ADAM2: variants seen among roughly 807,000 people sequenced by gnomAD.
ADAM2 encodes disintegrin and metalloproteinase domain-containing protein 2.
A neutral mutation model predicts 99.3 loss-of-function variants in ADAM2; 101 were observed. The observed-to-expected ratio is 1.02, with a 90% CI of 0.87 to 1.20. The LOEUF is 1.20. ADAM2 is among the 50% of genes most tolerant of loss of function. The pLI, the probability that ADAM2 is intolerant of heterozygous loss-of-function variation, is 0.00. For missense variants in ADAM2, 948 were observed against 878.7 expected (o/e 1.08, Z -1.00); for synonymous variants, 323 against 287.6 (o/e 1.12, Z -1.25).
intron 11 of ADAM2, among the ~76,000 whole-genome samples, chr8:39,774,155 G>A (rs2129584500): frequency 6.6e-6 from 1 of 151,950 alleles, no homozygotes; most frequent in African/African-American, 2.4e-5. Flanking sequence ...ATAAATGAGG[G>A]TTACAAAGCT....
chr8:39,788,013 A>G, intron 9 of ADAM2, 72 bp downstream of exon 9: 1 of 1,023,336 alleles, frequency 9.8e-7, no homozygotes, highest in South Asian at 3.0e-5. Context: ...ACATTTATCA[A>G]CAGTAAGATA....
intron 6 of ADAM2, among the ~76,000 whole-genome samples, chr8:39,812,934 T>C (rs1804765767): frequency 6.6e-6 from 1 of 152,100 alleles, no homozygotes; most frequent in Non-Finnish European, 1.5e-5. Flanking sequence ...CTAATTAAAC[T>C]AAAGCGCTTT....
At chr8:39,753,360 C>CAGCAAAGCATTCAAGAGGA (rs1370336472) in intron 16 of ADAM2, among the ~76,000 whole-genome samples, 2 of 151,118 alleles carry the variant, frequency 1.3e-5, no homozygotes, top group African/African-American at 4.9e-5. Flanking sequence ...AATTTCTAAG[C>CAGCAAAGCATTCAAGAGGA]AGCAAAGCAT....
chr8:39,807,420 G>A (rs957607714), intron 7 of ADAM2, among the ~76,000 whole-genome samples: 1 of 152,122 alleles, frequency 6.6e-6, no homozygotes, highest in Non-Finnish European at 1.5e-5. Flanking sequence ...CATTTTGTCT[G>A]GGAGAAGGAC....
chr8:39,826,732 A>C (rs1586161333), intron 3 of ADAM2, among the ~76,000 whole-genome samples: 1 of 151,806 alleles, frequency 6.6e-6, no homozygotes, highest in African/African-American at 2.4e-5. Flanking sequence ...AAACAAAAAA[A>C]CCAAAAAAAA....
At chr8:39,747,801 C>A (rs1004562285) in intron 18 of ADAM2, among the ~76,000 whole-genome samples, 1 of 152,052 alleles carries the variant, frequency 6.6e-6, no homozygotes, top group East Asian at 1.9e-4. Flanking sequence ...AACAATTTAC[C>A]ACTTCATAAT....
At chr8:39,760,679 C>T (rs1802321505) in intron 15 of ADAM2, among the ~76,000 whole-genome samples, 1 of 151,596 alleles carries the variant, frequency 6.6e-6, no homozygotes, top group African/African-American at 2.4e-5. Context: ...CGAGATAGTG[C>T]CACGGCACTC....
At chr8:39,828,518 A>C (rs1182544930) in intron 3 of ADAM2, among the ~76,000 whole-genome samples, 1 of 151,890 alleles carries the variant, frequency 6.6e-6, no homozygotes, top group East Asian at 1.9e-4. Context: ...AAAAAGAGGA[A>C]TATAAAACAA....
At position 39,743,891 on chromosome 8, in the gene ADAM2, T is replaced by C. The variant is rs1202139686; in HGVS notation, c.*204A>G. 1.3e-5 allele frequency: 2 copies of C among 152,156 alleles called. No homozygotes were observed. The highest frequency in any genetic ancestry group is 2.9e-5 in the Non-Finnish European group (2 of 67,994). The allele number at this position is 152,156 out of a possible 1,614,324, so 9.4% of individuals were successfully genotyped here. A position where few individuals can be genotyped will look rare whatever the true frequency, so the allele number is the denominator to read the frequency against. ...ACAGAAATTTGTAATGTAAAACTCA[T>C]TATCATGCATTTTTAAATAAGTAAA... On this transcript the variant is annotated 3_prime_UTR_variant, in exon 21 of 21. Transcript: ENST00000265708.
chr8:39,756,799 C>T (rs1289105256), intron 15 of ADAM2, among the ~76,000 whole-genome samples: 1 of 152,126 alleles, frequency 6.6e-6, no homozygotes, highest in African/African-American at 2.4e-5. Flanking sequence ...GTGCACACAC[C>T]AGTTAAACAT....
intron 6 of ADAM2, among the ~76,000 whole-genome samples, chr8:39,812,600 A>T (rs962372725): frequency 2.0e-5 from 3 of 152,242 alleles, no homozygotes; most frequent in Non-Finnish European, 4.4e-5. Context: ...GGAACAGATC[A>T]GAGCCCTCAG....
At chr8:39,768,289 A>G (rs1217461624) in intron 12 of ADAM2, among the ~76,000 whole-genome samples, 1 of 152,204 alleles carries the variant, frequency 6.6e-6, no homozygotes. Context: ...AACATATCAC[A>G]TATCTCAGGA....
chr8:39,786,987 C>T lies in ADAM2; in HGVS notation c.878G>A (p.Gly293Glu), dbSNP rs542094562. ...ACCATACCATACCAGAACAACACCTCCTGCATAGTTTGCATCACACATCTT... is the reference window on the plus strand; with the variant it reads ...ACCATACCATACCAGAACAACACCTTCTGCATAGTTTGCATCACACATCTT... ...QGKMCDANYA[G>E]GVVLHPRTIS... The change falls in exon 10 of 21, where the codon GGA becomes GAA. Residue 293 changes from glycine (G) to glutamate (E), a missense_variant. Gly to Glu is a moderately conservative substitution (Grantham distance 98). Coordinates refer to ENST00000265708, the MANE Select transcript of ADAM2 (RefSeq NM_001464.5). 6 of 1,591,774 alleles carry T rather than the reference C, an allele frequency of 3.8e-6. No individual in the cohort carries two copies. The African/African-American group carries it at 4.0e-5, about 11-fold the overall frequency.
chr8:39,750,411 T>C (rs1823686657), intron 16 of ADAM2, among the ~76,000 whole-genome samples: 1 of 152,088 alleles, frequency 6.6e-6, no homozygotes, highest in South Asian at 2.1e-4. Context: ...AAAGAAGATA[T>C]TATTGGCATG....
rs113117613 is a variant in ADAM2 at position 39,749,410 on chromosome 8, T to C, written c.1916A>G (p.Tyr639Cys). Residue 639 changes from tyrosine to cysteine, a missense_variant, in exon 18 of 21, where the codon TAT becomes TGT. Coordinates refer to ENST00000265708, the MANE Select transcript of ADAM2 (RefSeq NM_001464.5). ...TTGAACTGAGCAATCTGGAGGTAAA[T>C]ATGAAGCACTACAGTGACAGTGCTT... is the stretch of plus-strand genomic sequence containing the variant. Reference protein sequence around the residue: ...NKKHCHCSASYLPPDCSVQSD... With the variant: ...NKKHCHCSASCLPPDCSVQSD... The C allele has an allele frequency of 5.5e-3, 8,821 of 1,613,346 alleles. 55 individuals are homozygous for C. The highest frequency in any genetic ancestry group is 5.3e-3 in the Non-Finnish European group (6,302 of 1,179,482).
chr8:39,820,884 T>C, intron 6 of ADAM2, 118 bp downstream of exon 6: 1 of 570,058 alleles, frequency 1.8e-6, no homozygotes, highest in Non-Finnish European at 3.0e-6. Context: ...TATCCATACA[T>C]GTGGCTATAT....
At chr8:39,831,640 C>T (rs1463989947) in intron 3 of ADAM2, among the ~76,000 whole-genome samples, 1 of 152,088 alleles carries the variant, frequency 6.6e-6, no homozygotes, top group South Asian at 2.1e-4. Flanking sequence ...ACAAATGTGT[C>T]ACTTTGTACA....
chr8:39,775,876 A>G (rs1802967882), intron 11 of ADAM2, among the ~76,000 whole-genome samples: 1 of 152,050 alleles, frequency 6.6e-6, no homozygotes, highest in Non-Finnish European at 1.5e-5. Context: ...CACCTCTTTT[A>G]TGATGAAAAC....
At chr8:39,793,652 C>A (rs1803813050) in intron 7 of ADAM2, among the ~76,000 whole-genome samples, 1 of 152,084 alleles carries the variant, frequency 6.6e-6, no homozygotes, top group South Asian at 2.1e-4. Flanking sequence ...ATGATCAGGG[C>A]AAAAGAAATT....
Sources: gnomAD v4.1 joint callset for allele counts (sites outside exome capture counted in the v4.1 genomes callset) on GRCh38, gnomAD v4.1.1 for gene constraint, MANE v1.5 for transcripts, NCBI Gene and HGNC (gene_info 2026-07-23, HGNC 2026-07-21) for gene names.